FOXN3: variants seen among roughly 807,000 people sequenced by gnomAD.
FOXN3 encodes the protein forkhead box protein N3.
A neutral mutation model predicts 38.4 loss-of-function variants in FOXN3; 7 were observed. The ratio of observed to expected loss-of-function variants is 0.18; its 90% CI spans 0.10 to 0.34. The LOEUF (loss-of-function observed/expected upper bound fraction) is 0.34. Among genes scored for constraint, FOXN3 ranks in the 10% least tolerant of loss-of-function variants. The pLI is 1.00. For missense variants in FOXN3, 456 were observed against 613.4 expected (o/e 0.74, Z 2.71); for synonymous variants, 230 against 242.2 (o/e 0.95, Z 0.47).
chr14:89,394,426 C>T (rs1315426464), intron 2 of FOXN3, among the ~76,000 whole-genome samples: 1 of 151,914 alleles, frequency 6.6e-6, no homozygotes, highest in Non-Finnish European at 1.5e-5. Context: ...AGGCTGGTCT[C>T]GAACTCCTGA....
intron 4 of FOXN3, among the ~76,000 whole-genome samples, chr14:89,243,947 G>A (rs1566937424): frequency 1.3e-5 from 2 of 152,166 alleles, no homozygotes; most frequent in Non-Finnish European, 2.9e-5. Context: ...CAACTCGCAG[G>A]AGAATGAAAA....
rs1891513581 is a variant in FOXN3, at chr14:89,410,409, A to G, written c.543+1525T>C. On this transcript the variant is annotated intron_variant, in intron 2 of 5. Coordinates refer to ENST00000557258, the MANE Select transcript of FOXN3 (RefSeq NM_005197.4). ...TGCACACAGCAGCATTATTAACACA[A>G]CACACAAAGCGGGAAAACACAGTCA... Among the ~76,000 whole-genome samples, 2 of 152,130 alleles carry G rather than the reference A, an allele frequency of 1.3e-5. 1 individual carries two copies. The highest frequency in any genetic ancestry group is 4.2e-4 in the South Asian group (2 of 4,810).
intron 4 of FOXN3, among the ~76,000 whole-genome samples, chr14:89,244,886 C>T (rs556272078): frequency 8.9e-4 from 135 of 152,292 alleles, no homozygotes; most frequent in Non-Finnish European, 1.4e-3. Context: ...TTTCCTTCAA[C>T]TCATATTAAC....
chr14:89,393,600 C>T lies in FOXN3; in HGVS notation c.543+18334G>A, dbSNP rs116673959. Among the ~76,000 whole-genome samples, 564 of 152,308 alleles carry T rather than the reference C, an allele frequency of 3.7e-3. 5 individuals are homozygous for T. The highest frequency in any genetic ancestry group is 0.013 in the African/African-American group (539 of 41,568). On this transcript the variant is annotated intron_variant, in intron 2 of 5. Transcript: ENST00000557258. ...GAAACGGAGCTCCCCCATAAACCAC[C>T]ACACCTCAGCACCAGGGTATACAAA... is the stretch of plus-strand genomic sequence containing the variant.
At chr14:89,457,735 G>A (rs540176651) in intron 1 of FOXN3, among the ~76,000 whole-genome samples, 6 of 152,200 alleles carry the variant, frequency 3.9e-5, no homozygotes, top group East Asian at 1.9e-4. Flanking sequence ...GCATGGAGCC[G>A]GGCGCGGTGG....
At chr14:89,559,216 CA>C (rs1421986331) in intron 1 of FOXN3, among the ~76,000 whole-genome samples, 1 of 151,810 alleles carries the variant, frequency 6.6e-6, no homozygotes, top group Admixed American at 6.6e-5. Flanking sequence ...CCCATCTCTG[CA>C]AAAAATACAA....
At chr14:89,464,238 T>C (rs1892923184) in intron 1 of FOXN3, among the ~76,000 whole-genome samples, 1 of 152,150 alleles carries the variant, frequency 6.6e-6, no homozygotes, top group Admixed American at 6.5e-5. Context: ...TCTACCTTCT[T>C]TCTGTTTCCC....
At chr14:89,417,733 G>A (rs1891791538), upstream of FOXN3, 4 of 455,876 alleles carry the variant, frequency 8.8e-6, no homozygotes, top group Non-Finnish European at 1.8e-5. Flanking sequence ...CCCCAGTGCT[G>A]CGTCCTGATA....
intron 1 of FOXN3, among the ~76,000 whole-genome samples, chr14:89,538,021 A>G (rs1344609519): frequency 4.6e-5 from 7 of 152,222 alleles, no homozygotes. Flanking sequence ...GGAACTGAAA[A>G]CACAATTACT....
intron 4 of FOXN3, among the ~76,000 whole-genome samples, chr14:89,196,781 A>G (rs1310487360): frequency 6.6e-6 from 1 of 152,168 alleles, no homozygotes; most frequent in Non-Finnish European, 1.5e-5. Context: ...GTTTCTAACC[A>G]TGTTCATTCC....
chr14:89,284,936 ACT>A (rs1886574974), intron 3 of FOXN3, among the ~76,000 whole-genome samples: 1 of 152,008 alleles, frequency 6.6e-6, no homozygotes, highest in Non-Finnish European at 1.5e-5. Context: ...CGGATCCCAC[ACT>A]CTGAGCTGCA....
At chr14:89,339,781 G>A (rs577269252) in intron 3 of FOXN3, among the ~76,000 whole-genome samples, 12 of 152,322 alleles carry the variant, frequency 7.9e-5, no homozygotes, top group East Asian at 5.8e-4. Context: ...GCACCAATTC[G>A]GGGCCACTCC....
At chr14:89,283,085 A>G (rs1179062652) in intron 3 of FOXN3, among the ~76,000 whole-genome samples, 2 of 152,124 alleles carry the variant, frequency 1.3e-5, no homozygotes, top group Non-Finnish European at 2.9e-5. Context: ...GTCTCTTTCC[A>G]GCTCAGGGTA....
chr14:89,469,357 A>AATCC (rs780375131), intron 1 of FOXN3, among the ~76,000 whole-genome samples: 25 of 152,338 alleles, frequency 1.6e-4, no homozygotes, highest in Middle Eastern at 3.4e-3. Context: ...CAAGGCAGGC[A>AATCC]GAAGTTTCAG....
intron 1 of FOXN3, among the ~76,000 whole-genome samples, chr14:89,598,643 G>C (rs1294522350): frequency 6.6e-6 from 1 of 152,152 alleles, no homozygotes; most frequent in African/African-American, 2.4e-5. Flanking sequence ...CTGGTAGATA[G>C]AATTTATAGT....
intron 2 of FOXN3, among the ~76,000 whole-genome samples, chr14:89,400,728 T>C (rs774039268): frequency 1.3e-5 from 2 of 152,202 alleles, no homozygotes; most frequent in Non-Finnish European, 2.9e-5. Context: ...CCTCAGGGCC[T>C]TTGCACTTGC....
At chr14:89,416,252 G>A (rs1483087369) in intron 1 of FOXN3, among the ~76,000 whole-genome samples, 2 of 152,214 alleles carry the variant, frequency 1.3e-5, no homozygotes, top group East Asian at 1.9e-4. Flanking sequence ...GGGCAACGGG[G>A]GAAACTGCTC....
intron 3 of FOXN3, among the ~76,000 whole-genome samples, chr14:89,307,567 G>A (rs1887414206): frequency 1.3e-5 from 2 of 152,070 alleles, no homozygotes; most frequent in South Asian, 2.1e-4. Flanking sequence ...GTGAAAGTCG[G>A]AAACACCAAA....
chr14:89,528,517 C>T (rs1364221553), intron 1 of FOXN3, among the ~76,000 whole-genome samples: 1 of 151,260 alleles, frequency 6.6e-6, no homozygotes, highest in African/African-American at 2.4e-5. Flanking sequence ...CTGCCTCAGC[C>T]TCCCGAGTAG....
Sources: allele counts gnomAD v4.1 joint callset (sites outside exome capture counted in the v4.1 genomes callset), GRCh38; gene constraint gnomAD v4.1.1; transcripts MANE v1.5; gene names NCBI Gene and HGNC (gene_info 2026-07-23, HGNC 2026-07-21).